The following CNTNAP2 variants were observed in gnomAD, a reference collection of about 807,000 sequenced individuals.
CNTNAP2 encodes contactin associated protein 2.
In CNTNAP2, 98 loss-of-function variants were observed where a neutral mutation model predicts 155.2. The observed-to-expected ratio is 0.63, with a 90% CI of 0.54 to 0.75. The LOEUF is 0.75. Ranked by LOEUF, CNTNAP2 falls within the 30% of genes least tolerant of loss-of-function variation. The probability of loss-of-function intolerance (pLI) is 0.00; values close to 1 mark genes in which losing one functional copy is unlikely to be tolerated. For missense variants in CNTNAP2, 1,727 were observed against 1,688.1 expected (o/e 1.02, Z -0.40); for synonymous variants, 651 against 631.2 (o/e 1.03, Z -0.47).
chr7:148,371,590 C>G (rs998852746), intron 21 of CNTNAP2, among the ~76,000 whole-genome samples: 14 of 152,158 alleles, frequency 9.2e-5, no homozygotes, highest in Admixed American at 7.9e-4. Flanking sequence ...CCAATTTCTA[C>G]CTATTTATCA....
intron 13 of CNTNAP2, among the ~76,000 whole-genome samples, chr7:147,799,503 A>C (rs1339529921): frequency 6.6e-6 from 1 of 152,184 alleles, no homozygotes; most frequent in Non-Finnish European, 1.5e-5. Context: ...TATGTAAGCT[A>C]TTTGTTATGT....
At chr7:147,329,609 G>T (rs985872061) in intron 9 of CNTNAP2, among the ~76,000 whole-genome samples, 9 of 152,218 alleles carry the variant, frequency 5.9e-5, no homozygotes, top group African/African-American at 2.2e-4. Context: ...GCCCAGGGAG[G>T]AAAGTATGGA....
chr7:146,558,394 C>T (rs1339266658), intron 1 of CNTNAP2, among the ~76,000 whole-genome samples: 2 of 152,068 alleles, frequency 1.3e-5, no homozygotes, highest in Non-Finnish European at 2.9e-5. Flanking sequence ...ATAAGAACGA[C>T]ATCTGGCATG....
chr7:146,654,071 T>A (rs1390546714), intron 1 of CNTNAP2, among the ~76,000 whole-genome samples: 1 of 152,082 alleles, frequency 6.6e-6, no homozygotes, highest in Admixed American at 6.6e-5. Context: ...TTTGTAAAGC[T>A]GAGGCCCAGG....
chr7:146,754,302 A>G (rs1420712854), intron 1 of CNTNAP2, among the ~76,000 whole-genome samples: 2 of 152,062 alleles, frequency 1.3e-5, no homozygotes, highest in Non-Finnish European at 2.9e-5. Context: ...TAGCATGTAT[A>G]GTTAAGCCTG....
intron 21 of CNTNAP2, among the ~76,000 whole-genome samples, chr7:148,326,602 C>T (rs774681520): frequency 6.6e-6 from 1 of 151,812 alleles, no homozygotes; most frequent in Admixed American, 6.6e-5. Flanking sequence ...CATGGTGGCT[C>T]ACGCCTGTAA....
At chr7:148,127,103 G>A (rs943971393) in intron 16 of CNTNAP2, among the ~76,000 whole-genome samples, 4 of 152,068 alleles carry the variant, frequency 2.6e-5, no homozygotes, top group South Asian at 2.1e-4. Context: ...TCAGGAGTTC[G>A]AGACCAGCAT....
chr7:146,577,308 A>T (rs2129147115), intron 1 of CNTNAP2, among the ~76,000 whole-genome samples: 1 of 152,216 alleles, frequency 6.6e-6, no homozygotes, highest in South Asian at 2.1e-4. Flanking sequence ...CTAGATTTAG[A>T]GCTTCCTTCT....
intron 13 of CNTNAP2, chr7:147,896,945 CA>C (rs1799786091): frequency 6.6e-6 from 1 of 152,198 alleles, no homozygotes; most frequent in Non-Finnish European, 1.5e-5. Flanking sequence ...AGGTTAGAAG[CA>C]AGATGGAGTC....
chr7:147,049,340 T>C (rs933465497), intron 4 of CNTNAP2, among the ~76,000 whole-genome samples: 1 of 152,218 alleles, frequency 6.6e-6, no homozygotes, highest in Non-Finnish European at 1.5e-5. Context: ...AAAATATATA[T>C]ATGTTAAACA....
At chr7:147,603,998 C>T (rs1360883882) in intron 12 of CNTNAP2, among the ~76,000 whole-genome samples, 1 of 152,038 alleles carries the variant, frequency 6.6e-6, no homozygotes, top group Non-Finnish European at 1.5e-5. Flanking sequence ...ATAAATGGTG[C>T]TGGGAAAACT....
chr7:146,613,978 T>G (rs138168128), intron 1 of CNTNAP2, among the ~76,000 whole-genome samples: 81 of 152,292 alleles, frequency 5.3e-4, no homozygotes, highest in Non-Finnish European at 6.8e-4. Context: ...TTGACTGTTT[T>G]GGGAAGGAAT....
At chr7:148,147,845 T>C (rs1805221923) in intron 17 of CNTNAP2, 136 bp downstream of exon 17, 4 of 851,660 alleles carry the variant, frequency 4.7e-6, no homozygotes, top group Non-Finnish European at 7.4e-6. Context: ...TGGCCTCTTG[T>C]AGTCTCCTTC....
chr7:146,871,568 A>G (rs892190871), intron 3 of CNTNAP2, among the ~76,000 whole-genome samples: 2 of 151,176 alleles, frequency 1.3e-5, no homozygotes, highest in Non-Finnish European at 2.9e-5. Context: ...ATAAATTAAA[A>G]AATGATATAG....
At chr7:147,748,990 G>A (rs933200540) in intron 13 of CNTNAP2, among the ~76,000 whole-genome samples, 1 of 152,186 alleles carries the variant, frequency 6.6e-6, no homozygotes, top group South Asian at 2.1e-4. Flanking sequence ...GAATTAAGTG[G>A]AACCTTTTAG....
chr7:147,018,745 G>A (rs988738264), intron 3 of CNTNAP2, among the ~76,000 whole-genome samples: 5 of 152,010 alleles, frequency 3.3e-5, no homozygotes, highest in Non-Finnish European at 5.9e-5. Context: ...GGATAACCAG[G>A]CACTAAGGAG....
At chr7:147,779,196 A>G (rs1420321759) in intron 13 of CNTNAP2, among the ~76,000 whole-genome samples, 2 of 152,218 alleles carry the variant, frequency 1.3e-5, no homozygotes, top group African/African-American at 2.4e-5. Context: ...CAGAACCATT[A>G]TGCATCCTCT....
intron 8 of CNTNAP2, among the ~76,000 whole-genome samples, chr7:147,212,871 C>T (rs1030997709): frequency 2.0e-5 from 3 of 152,094 alleles, no homozygotes; most frequent in African/African-American, 7.2e-5. Flanking sequence ...TAAGAGTTAA[C>T]TTACACTAAA....
chr7:146,897,689 A>T (rs1795904655), intron 3 of CNTNAP2, among the ~76,000 whole-genome samples: 1 of 151,960 alleles, frequency 6.6e-6, no homozygotes, highest in African/African-American at 2.4e-5. Context: ...AGTACACATC[A>T]GTGATGATAT....
Sources: gnomAD v4.1 joint callset for allele counts (sites outside exome capture counted in the v4.1 genomes callset) on GRCh38, gnomAD v4.1.1 for gene constraint, MANE v1.5 for transcripts, NCBI Gene and HGNC (gene_info 2026-07-23, HGNC 2026-07-21) for gene names.